The following EFCAB11 variants were observed in gnomAD, a reference collection of about 807,000 sequenced individuals.
The protein encoded by EFCAB11 is EF-hand calcium binding domain 11.
Under a neutral mutation model 23.0 loss-of-function variants are expected in EFCAB11, and 14 were observed. The observed-to-expected ratio is 0.61, with a 90% CI of 0.40 to 0.95. The LOEUF (loss-of-function observed/expected upper bound fraction) is 0.95, where lower values mean the gene tolerates loss of function less well. Among genes scored for constraint, EFCAB11 ranks in the 40% least tolerant of loss-of-function variants. The pLI, the probability that EFCAB11 is intolerant of heterozygous loss-of-function variation, is 0.00. For synonymous variants in EFCAB11, 65 were observed against 66.6 expected (o/e 0.98, Z 0.11); for missense variants, 198 against 195.8 (o/e 1.01, Z -0.07).
chr14:89,810,198 T>G (rs1324021008), intron 5 of EFCAB11, among the ~76,000 whole-genome samples: 1 of 152,180 alleles, frequency 6.6e-6, no homozygotes, highest in Non-Finnish European at 1.5e-5. Context: ...TGGTGTTCAA[T>G]AAGTATCGGC....
intron 4 of EFCAB11, among the ~76,000 whole-genome samples, chr14:89,931,906 T>C (rs1890401441): frequency 1.3e-5 from 2 of 152,204 alleles, no homozygotes; most frequent in South Asian, 2.1e-4. Flanking sequence ...GATAGCACTA[T>C]ATAGAGACAT....
chr14:89,860,128 C>T (rs1454134205), intron 5 of EFCAB11, among the ~76,000 whole-genome samples: 1 of 152,042 alleles, frequency 6.6e-6, no homozygotes, highest in Non-Finnish European at 1.5e-5. Flanking sequence ...TTTTGGGAGG[C>T]CGAGGCAGGT....
At chr14:89,929,171 C>A (rs117912365) in intron 5 of EFCAB11, among the ~76,000 whole-genome samples, 2,326 of 151,838 alleles carry the variant, frequency 0.015, 25 homozygotes, top group Middle Eastern at 0.027. Flanking sequence ...CTCAGCCTCC[C>A]AAATAGCTAG....
At chr14:89,817,573 G>C (rs1222820931) in intron 5 of EFCAB11, among the ~76,000 whole-genome samples, 1 of 151,904 alleles carries the variant, frequency 6.6e-6, no homozygotes, top group Non-Finnish European at 1.5e-5. Context: ...CCATAAAACA[G>C]AATAAATACA....
At chr14:89,799,937 G>C (rs1241260873) in intron 5 of EFCAB11, among the ~76,000 whole-genome samples, 1 of 152,180 alleles carries the variant, frequency 6.6e-6, no homozygotes, top group African/African-American at 2.4e-5. Flanking sequence ...TGTAATCCCA[G>C]CACTTTGGGA....
At chr14:89,816,152 TA>T (rs1313242247) in intron 5 of EFCAB11, among the ~76,000 whole-genome samples, 1 of 152,206 alleles carries the variant, frequency 6.6e-6, no homozygotes, top group East Asian at 1.9e-4. Context: ...GTAGCTATTA[TA>T]AATGGAGTTG....
chr14:89,941,924 G>A (rs995816687), intron 3 of EFCAB11, among the ~76,000 whole-genome samples: 3 of 152,058 alleles, frequency 2.0e-5, no homozygotes, highest in Non-Finnish European at 2.9e-5. Context: ...ATCTCATCTC[G>A]AATTGTAATC....
chr14:89,882,593 G>A (rs898055323), intron 5 of EFCAB11, among the ~76,000 whole-genome samples: 1 of 151,988 alleles, frequency 6.6e-6, no homozygotes, highest in Admixed American at 6.5e-5. Flanking sequence ...AAATAAGGTT[G>A]CTTAAGATTT....
intron 5 of EFCAB11, among the ~76,000 whole-genome samples, chr14:89,925,837 G>GT (rs1452697454): frequency 1.9e-4 from 29 of 150,200 alleles, no homozygotes; most frequent in South Asian, 4.2e-4. Context: ...GTAGAGACAA[G>GT]TTTTTTTTTG....
At chr14:89,900,933 C>T (rs995541652) in intron 5 of EFCAB11, among the ~76,000 whole-genome samples, 3 of 151,928 alleles carry the variant, frequency 2.0e-5, no homozygotes, top group Admixed American at 6.6e-5. Flanking sequence ...AAGTTTAATT[C>T]GGTGGAAATT....
chr14:89,871,811 T>A (rs1888279616), intron 5 of EFCAB11, among the ~76,000 whole-genome samples: 1 of 152,244 alleles, frequency 6.6e-6, no homozygotes. Context: ...TCACTGCTAA[T>A]GTACTGACAT....
chr14:89,924,122 C>T, intron 5 of EFCAB11: 1 of 985,824 alleles, frequency 1.0e-6, no homozygotes, highest in Non-Finnish European at 1.2e-6. Context: ...GACCCAGCCC[C>T]CACTAATACT....
At chr14:89,882,780 G>A (rs576785144) in intron 5 of EFCAB11, among the ~76,000 whole-genome samples, 55 of 152,162 alleles carry the variant, frequency 3.6e-4, no homozygotes, top group Admixed American at 7.9e-4. Flanking sequence ...TACAGCTACC[G>A]CTATGGTTTG....
chr14:89,907,919 G>A (rs946903535), intron 5 of EFCAB11, among the ~76,000 whole-genome samples: 2 of 152,146 alleles, frequency 1.3e-5, no homozygotes, highest in Non-Finnish European at 2.9e-5. Flanking sequence ...TCATGGGGTC[G>A]TTGTGCGGAT....
intron 5 of EFCAB11, among the ~76,000 whole-genome samples, chr14:89,929,363 T>C (rs955177415): frequency 2.6e-5 from 4 of 152,118 alleles, no homozygotes; most frequent in Admixed American, 6.5e-5. Context: ...TTTCTGTTTT[T>C]AATAATTGTG....
intron 5 of EFCAB11, among the ~76,000 whole-genome samples, chr14:89,817,887 A>G (rs1886385460): frequency 1.3e-5 from 2 of 152,070 alleles, no homozygotes; most frequent in South Asian, 4.1e-4. Flanking sequence ...CCAGCTACTC[A>G]GGATGCTGTG....
At chr14:89,842,308 G>T (rs1887292601) in intron 5 of EFCAB11, among the ~76,000 whole-genome samples, 2 of 152,194 alleles carry the variant, frequency 1.3e-5, no homozygotes, top group African/African-American at 4.8e-5. Flanking sequence ...TGTAATCTGG[G>T]CGGGGCGTGG....
At position 89,954,703 on chromosome 14, in the gene EFCAB11, A is replaced by G. The variant is rs1335272262; in HGVS notation, c.-43T>C. On this transcript the variant is annotated 5_prime_UTR_variant, in exon 1 of 6. Transcript: ENST00000316738. ...AGCCCCAGCAACCCAACCAGCTACC[A>G]CCGCTTTCCCAGCCTGGCTGGCAGC... 3.1e-5 allele frequency: 50 copies of G among 1,591,988 alleles called. No homozygotes were observed. The highest frequency in any genetic ancestry group is 1.7e-4 in the Middle Eastern group (1 of 6,060).
intron 5 of EFCAB11, among the ~76,000 whole-genome samples, chr14:89,857,606 TG>T (rs1887795489): frequency 6.6e-6 from 1 of 152,168 alleles, no homozygotes; most frequent in Admixed American, 6.5e-5. Flanking sequence ...AACTGTAAGA[TG>T]CCTTCTCTGA....
Sources: gnomAD v4.1 joint callset for allele counts (sites outside exome capture counted in the v4.1 genomes callset) on GRCh38, gnomAD v4.1.1 for gene constraint, MANE v1.5 for transcripts, NCBI Gene and HGNC (gene_info 2026-07-23, HGNC 2026-07-21) for gene names.